The following ADAMTSL1 variants were observed in gnomAD, a reference collection of about 807,000 sequenced individuals.
ADAMTSL1 encodes ADAMTS like 1, also known as ADAMTS-like protein 1.
In ADAMTSL1, 126 loss-of-function variants were observed where a neutral mutation model predicts 201.8. The observed-to-expected ratio is 0.62, with a 90% confidence interval of 0.54 to 0.72. ADAMTSL1 has a LOEUF of 0.72. Among genes scored for constraint, ADAMTSL1 ranks in the 30% least tolerant of loss-of-function variants. ADAMTSL1 has a pLI of 0.00. For missense variants in ADAMTSL1, 2,679 were observed against 2,277.8 expected, an observed-to-expected ratio of 1.18 and a Z score of -3.59; for synonymous variants, 1,121 against 903.4, an observed-to-expected ratio of 1.24 and a Z score of -4.32.
At chr9:18,460,154 T>C (rs908951445) in intron 2 of ADAMTSL1, among the ~76,000 whole-genome samples, 1 of 152,200 alleles carries the variant, frequency 6.6e-6, no homozygotes, top group Non-Finnish European at 1.5e-5. Flanking sequence ...AGCATGACAT[T>C]TCATGATCAG....
chr9:18,657,009 A>G (rs1358800908), intron 7 of ADAMTSL1, among the ~76,000 whole-genome samples: 1 of 152,210 alleles, frequency 6.6e-6, no homozygotes, highest in Non-Finnish European at 1.5e-5. Context: ...TTAAGTAAGT[A>G]ATCGTTTTTA....
intron 15 of ADAMTSL1, among the ~76,000 whole-genome samples, chr9:18,732,182 T>C (rs1272246464): frequency 6.6e-6 from 1 of 152,222 alleles, no homozygotes; most frequent in East Asian, 1.9e-4. Context: ...AACCATATGA[T>C]ATAGACCTTC....
intron 2 of ADAMTSL1, among the ~76,000 whole-genome samples, chr9:18,425,964 C>T (rs577355885): frequency 1.1e-4 from 17 of 151,932 alleles, no homozygotes; most frequent in African/African-American, 4.1e-4. Context: ...AAAGATGAGA[C>T]CATGAGAGAA....
At chr9:18,031,844 A>T (rs578105323) in intron 1 of ADAMTSL1, among the ~76,000 whole-genome samples, 1 of 152,338 alleles carries the variant, frequency 6.6e-6, no homozygotes, top group African/African-American at 2.4e-5. Flanking sequence ...TGGCAGGGTC[A>T]GAGTGGGCTG....
At chr9:18,154,498 C>T (rs1052779544) in intron 1 of ADAMTSL1, among the ~76,000 whole-genome samples, 9 of 152,034 alleles carry the variant, frequency 5.9e-5, no homozygotes, top group Non-Finnish European at 8.8e-5. Flanking sequence ...TTTCCTATTC[C>T]ACCCAGCCTC....
chr9:18,661,680 A>C (rs1172609839), intron 8 of ADAMTSL1, among the ~76,000 whole-genome samples: 1 of 152,192 alleles, frequency 6.6e-6, no homozygotes, highest in Non-Finnish European at 1.5e-5. Context: ...GAGTCTTATT[A>C]TCTGGCTGGG....
At chr9:18,124,231 C>T (rs916879534) in intron 1 of ADAMTSL1, among the ~76,000 whole-genome samples, 1 of 151,562 alleles carries the variant, frequency 6.6e-6, no homozygotes, top group Non-Finnish European at 1.5e-5. Context: ...TACAGGTGTG[C>T]ACCACCATGC....
At chr9:18,497,209 G>C (rs1410299722) in intron 1 of ADAMTSL1, among the ~76,000 whole-genome samples, 1 of 152,214 alleles carries the variant, frequency 6.6e-6, no homozygotes, top group Non-Finnish European at 1.5e-5. Flanking sequence ...AATAGTATCA[G>C]GGTTTAAAAT....
At chr9:18,227,915 T>A (rs1830491172) in intron 2 of ADAMTSL1, among the ~76,000 whole-genome samples, 1 of 152,216 alleles carries the variant, frequency 6.6e-6, no homozygotes, top group Non-Finnish European at 1.5e-5. Flanking sequence ...AGCATGTTTG[T>A]CAAGTAAGTG....
chr9:18,450,818 T>C (rs2131669974), intron 2 of ADAMTSL1, among the ~76,000 whole-genome samples: 1 of 152,336 alleles, frequency 6.6e-6, no homozygotes, highest in South Asian at 2.1e-4. Context: ...ATTTCCATTG[T>C]CCACTCTACA....
chr9:18,853,507 T>A (rs771612957), intron 23 of ADAMTSL1, among the ~76,000 whole-genome samples: 1 of 152,202 alleles, frequency 6.6e-6, no homozygotes, highest in African/African-American at 2.4e-5. Context: ...AGAGGAGTCA[T>A]TGATCATCAG....
chr9:18,164,859 T>A (rs2132098518), intron 2 of ADAMTSL1, among the ~76,000 whole-genome samples: 1 of 152,044 alleles, frequency 6.6e-6, no homozygotes. Flanking sequence ...TGTGTTTCTT[T>A]CAGACAGAGT....
intron 2 of ADAMTSL1, among the ~76,000 whole-genome samples, chr9:18,526,064 T>G (rs1472785315): frequency 6.6e-6 from 1 of 152,154 alleles, no homozygotes; most frequent in Non-Finnish European, 1.5e-5. Context: ...CCATTATTAT[T>G]GTGTGGGAGT....
chr9:18,648,737 G>C (rs1827990569), intron 7 of ADAMTSL1, among the ~76,000 whole-genome samples: 2 of 152,076 alleles, frequency 1.3e-5, no homozygotes, highest in Admixed American at 1.3e-4. Context: ...CTGGCTTGTA[G>C]AGTTTCTGCC....
At chr9:18,070,122 G>T (rs1242900254) in intron 1 of ADAMTSL1, among the ~76,000 whole-genome samples, 7 of 152,144 alleles carry the variant, frequency 4.6e-5, no homozygotes, top group African/African-American at 1.7e-4. Context: ...AGTAAGTGTG[G>T]ACTGAAAACA....
intron 2 of ADAMTSL1, among the ~76,000 whole-genome samples, chr9:18,512,614 C>A (rs1240536491): frequency 6.6e-6 from 1 of 151,986 alleles, no homozygotes; most frequent in Non-Finnish European, 1.5e-5. Context: ...CAAGAATTTA[C>A]CAAATTATTA....
chr9:18,124,077 G>GTT (rs1157492042), intron 1 of ADAMTSL1, among the ~76,000 whole-genome samples: 3,358 of 70,736 alleles, frequency 0.047, 166 homozygotes, highest in East Asian at 0.059. Flanking sequence ...TTATTTGCCA[G>GTT]TTTTTTTTTT....
At chr9:18,331,916 A>G (rs1460371229) in intron 2 of ADAMTSL1, among the ~76,000 whole-genome samples, 1 of 152,012 alleles carries the variant, frequency 6.6e-6, no homozygotes. Flanking sequence ...ACAGGAGGGG[A>G]GAATATTATA....
At chr9:18,557,561 T>C (rs1821178729) in intron 3 of ADAMTSL1, among the ~76,000 whole-genome samples, 2 of 151,944 alleles carry the variant, frequency 1.3e-5, no homozygotes, top group Non-Finnish European at 2.9e-5. Context: ...ATTAGATATA[T>C]TGCCAGGAAA....
Sources: allele counts gnomAD v4.1 joint callset (sites outside exome capture counted in the v4.1 genomes callset), GRCh38; gene constraint gnomAD v4.1.1; transcripts MANE v1.5; gene names NCBI Gene and HGNC (gene_info 2026-07-23, HGNC 2026-07-21).